EYS: variants seen among roughly 807,000 people sequenced by gnomAD.
The protein encoded by EYS is protein eyes shut homolog.
Under a neutral mutation model 282.1 loss-of-function variants are expected in EYS, and 250 were observed. The ratio of observed to expected loss-of-function variants is 0.89; its 90% CI spans 0.80 to 0.98. The LOEUF (loss-of-function observed/expected upper bound fraction) is 0.98, where lower values mean the gene tolerates loss of function less well. Among genes scored for constraint, EYS ranks in the 50% least tolerant of loss-of-function variants. The pLI is 0.00. For missense variants in EYS, 4,016 were observed against 3,709.0 expected (o/e 1.08, Z -2.15); for synonymous variants, 1,355 against 1,282.9 (o/e 1.06, Z -1.20).
chr6:64,641,857 G>A (rs1174657109), intron 22 of EYS, among the ~76,000 whole-genome samples: 6 of 152,146 alleles, frequency 3.9e-5, no homozygotes, highest in African/African-American at 1.4e-4. Flanking sequence ...ATTATGTTGT[G>A]TACTCCTTAT....
intron 33 of EYS, among the ~76,000 whole-genome samples, chr6:64,008,690 T>C (rs1201735054): frequency 6.6e-6 from 1 of 152,252 alleles, no homozygotes; most frequent in Non-Finnish European, 1.5e-5. Flanking sequence ...CATTTGCTTG[T>C]CTGAAAAGGA....
intron 5 of EYS, among the ~76,000 whole-genome samples, chr6:65,428,278 G>T (rs1767740285): frequency 6.6e-6 from 1 of 152,040 alleles, no homozygotes; most frequent in South Asian, 2.1e-4. Flanking sequence ...AGATTTATAT[G>T]ACAGTATTTT....
intron 22 of EYS, among the ~76,000 whole-genome samples, chr6:64,644,263 G>A (rs1768276185): frequency 6.6e-6 from 1 of 152,094 alleles, no homozygotes; most frequent in Admixed American, 6.5e-5. Context: ...TCATAATGGA[G>A]CATCCCAGTT....
chr6:64,031,873 G>A (rs1769861384), intron 33 of EYS, among the ~76,000 whole-genome samples: 1 of 152,114 alleles, frequency 6.6e-6, no homozygotes, highest in Non-Finnish European at 1.5e-5. Context: ...GATGTGGGTG[G>A]GGCCAGATAA....
At chr6:65,481,802 C>T (rs1424607150) in intron 5 of EYS, among the ~76,000 whole-genome samples, 2 of 152,076 alleles carry the variant, frequency 1.3e-5, no homozygotes, top group Non-Finnish European at 2.9e-5. Context: ...GATCTCCTTA[C>T]CTCATGATCC....
intron 5 of EYS, among the ~76,000 whole-genome samples, chr6:65,435,282 C>A (rs16896661): frequency 0.011 from 1,690 of 151,674 alleles, 18 homozygotes; most frequent in African/African-American, 0.029. Flanking sequence ...GATGATAAAG[C>A]CTTTATGAGA....
chr6:64,933,667 T>A (rs1394419139), intron 15 of EYS, among the ~76,000 whole-genome samples: 1 of 152,082 alleles, frequency 6.6e-6, no homozygotes, highest in African/African-American at 2.4e-5. Flanking sequence ...CATTCTACTA[T>A]AAAAACACAT....
chr6:65,101,528 G>C (rs1034567229), intron 12 of EYS, among the ~76,000 whole-genome samples: 1 of 151,154 alleles, frequency 6.6e-6, no homozygotes, highest in African/African-American at 2.4e-5. Flanking sequence ...TATTAAGAAA[G>C]AAACAGCCAA....
chr6:64,453,859 G>T (rs1775456781), intron 26 of EYS, among the ~76,000 whole-genome samples: 1 of 152,066 alleles, frequency 6.6e-6, no homozygotes, highest in South Asian at 2.1e-4. Flanking sequence ...GACTGTTGTG[G>T]CGTGGGGGGA....
chr6:64,404,980 T>C (rs558671573), intron 28 of EYS, among the ~76,000 whole-genome samples: 1 of 152,200 alleles, frequency 6.6e-6, no homozygotes, highest in East Asian at 1.9e-4. Context: ...CTCTTATTTA[T>C]TTTATTTTAT....
intron 12 of EYS, among the ~76,000 whole-genome samples, chr6:65,223,169 A>G (rs1198956374): frequency 6.6e-6 from 1 of 152,140 alleles, no homozygotes; most frequent in African/African-American, 2.4e-5. Flanking sequence ...GAAACTGCCG[A>G]CCAGCCTGAC....
chr6:65,503,366 C>A (rs1474957735), intron 2 of EYS, among the ~76,000 whole-genome samples: 1 of 151,420 alleles, frequency 6.6e-6, no homozygotes, highest in Non-Finnish European at 1.5e-5. Flanking sequence ...GATAAAAATC[C>A]TTTATCAGAT....
intron 30 of EYS, among the ~76,000 whole-genome samples, chr6:64,296,593 TATATA>T (rs1769030570): frequency 1.3e-3 from 6 of 4,636 alleles, no homozygotes; most frequent in East Asian, 0.012. Context: ...TACATATATA[TATATA>T]TTTTTTTTTT....
intron 31 of EYS, among the ~76,000 whole-genome samples, chr6:64,187,283 G>A (rs1291929118): frequency 2.6e-5 from 4 of 151,986 alleles, no homozygotes; most frequent in Admixed American, 6.6e-5. Flanking sequence ...TCACAGTGAA[G>A]CATCTCTTTT....
chr6:63,760,748 T>C (rs2149654699), intron 41 of EYS, among the ~76,000 whole-genome samples: 1 of 151,950 alleles, frequency 6.6e-6, no homozygotes, highest in Non-Finnish European at 1.5e-5. Context: ...CTGCCCTCTA[T>C]ATAATCTATT....
intron 33 of EYS, among the ~76,000 whole-genome samples, chr6:64,016,484 T>C (rs576105944): frequency 0.015 from 2,013 of 136,436 alleles, 15 homozygotes; most frequent in Non-Finnish European, 0.021. Context: ...TGTCATACCT[T>C]TTTGATTTTT....
chr6:64,977,543 T>C (rs1322107491), intron 14 of EYS, among the ~76,000 whole-genome samples: 2 of 151,358 alleles, frequency 1.3e-5, no homozygotes, highest in Non-Finnish European at 2.9e-5. Flanking sequence ...AAAGGAAGAG[T>C]TGCACATGTC....
At chr6:64,567,675 C>A (rs1671502286) in intron 26 of EYS, among the ~76,000 whole-genome samples, 1 of 152,038 alleles carries the variant, frequency 6.6e-6, no homozygotes, top group African/African-American at 2.4e-5. Flanking sequence ...ATTTGGAAAA[C>A]TATTTCTAAA....
chr6:65,229,119 A>G (rs1322250747), intron 12 of EYS, among the ~76,000 whole-genome samples: 1 of 152,034 alleles, frequency 6.6e-6, no homozygotes, highest in Non-Finnish European at 1.5e-5. Context: ...ACACAATTTC[A>G]CTGAAGCCAA....
Sources: gnomAD v4.1 joint callset for allele counts (sites outside exome capture counted in the v4.1 genomes callset) on GRCh38, gnomAD v4.1.1 for gene constraint, MANE v1.5 for transcripts, NCBI Gene and HGNC (gene_info 2026-07-23, HGNC 2026-07-21) for gene names.